Variants in SORCS2 observed in about 807,000 individuals in gnomAD.
SORCS2 encodes sortilin related VPS10 domain containing receptor 2, also known as VPS10 domain-containing receptor SorCS2.
Under a neutral mutation model 141.6 loss-of-function variants are expected in SORCS2, and 100 were observed. The ratio of observed to expected loss-of-function variants is 0.71; its 90% CI spans 0.60 to 0.83. The LOEUF is 0.83. Ranked by LOEUF, SORCS2 falls within the 40% of genes least tolerant of loss-of-function variation. The pLI, the probability that SORCS2 is intolerant of heterozygous loss-of-function variation, is 0.00. For missense variants in SORCS2, 1,646 were observed against 1,560.2 expected (o/e 1.05, Z -0.93); for synonymous variants, 789 against 676.9 (o/e 1.17, Z -2.57).
Position 7,351,119 on chromosome 4 carries a change from C to A in SORCS2, c.481-45169C>A, listed in dbSNP as rs560033041. ...GACCAACACACGCTACACGCCCCCCCACTTAGCCCCTCAGCCCCTTGCCCA... is the reference window on the plus strand; with the variant it reads ...GACCAACACACGCTACACGCCCCCCAACTTAGCCCCTCAGCCCCTTGCCCA... On this transcript the variant is annotated intron_variant, in intron 1 of 26. Coordinates refer to ENST00000507866, the MANE Select transcript of SORCS2 (RefSeq NM_020777.3). Among the ~76,000 whole-genome samples the A allele has an allele frequency of 4.3e-4, 66 of 152,340 alleles. No homozygotes were observed. The East Asian group carries it at 4.8e-3, about 11-fold the overall frequency.
chr4:7,521,531 G>A (rs1213600088), intron 2 of SORCS2, among the ~76,000 whole-genome samples: 1 of 152,198 alleles, frequency 6.6e-6, no homozygotes, highest in Non-Finnish European at 1.5e-5. Flanking sequence ...TTGTTAGAAA[G>A]TCTGGGTACC....
At position 7,663,427 on chromosome 4, in the gene SORCS2, A is replaced by C. The variant is rs1218810225; in HGVS notation, c.953-926A>C. Among the ~76,000 whole-genome samples, 1 of 152,158 alleles carries C rather than the reference A, an allele frequency of 6.6e-6. No homozygotes were observed. Among genetic ancestry groups the C allele is most frequent in the African/African-American group, 2.4e-5 (1 of 41,430 alleles). Reference sequence around the variant, plus strand: ...ACTGCATCTCCAGCCAGGCAGCCCCACTGCAGGAAGTTCAGTGGTTCAGTG... The same window carrying C: ...ACTGCATCTCCAGCCAGGCAGCCCCCCTGCAGGAAGTTCAGTGGTTCAGTG... On this transcript the variant is annotated intron_variant, in intron 6 of 26. Transcript: ENST00000507866. The surrounding 1 kb of genome is among the most constrained non-coding windows in gnomAD (Gnocchi z 4.8).
Position 7,233,182 on chromosome 4 carries a change from A to G in SORCS2, c.480+40056A>G, listed in dbSNP as rs566632211. On this transcript the variant is annotated intron_variant, in intron 1 of 26. Coordinates refer to ENST00000507866, the MANE Select transcript of SORCS2 (RefSeq NM_020777.3). This position sits in a 1 kb window ranked among gnomAD's most constrained non-coding sequence, Gnocchi z 4.5. The stretch of plus-strand genomic sequence containing the variant: ...GAGGCCAGGTACTGTCACTGCAGGC[A>G]GCAGGAACGGCACGGCAGAGGGAGC... Among the ~76,000 whole-genome samples the G allele has an allele frequency of 1.3e-5, 2 of 152,290 alleles. No homozygotes were observed. Among genetic ancestry groups the G allele is most frequent in the Admixed American group, 6.5e-5 (1 of 15,306 alleles).
intron 3 of SORCS2, among the ~76,000 whole-genome samples, chr4:7,550,116 G>GTGTGTGTA (rs1217012360): frequency 2.0e-5 from 2 of 102,194 alleles, no homozygotes; most frequent in African/African-American, 3.4e-5. Context: ...TTCCGTGTGT[G>GTGTGTGTA]TGTGTGTATG....
intron 1 of SORCS2, among the ~76,000 whole-genome samples, chr4:7,290,010 C>T (rs892560770): frequency 1.3e-5 from 2 of 152,142 alleles, no homozygotes; most frequent in African/African-American, 2.4e-5. Context: ...TCCCAGGCTG[C>T]GAGGGAGGAC....
chr4:7,433,587 C>T (rs370057756), intron 2 of SORCS2: 14 of 1,611,224 alleles, frequency 8.7e-6, no homozygotes, highest in Admixed American at 3.4e-5. Context: ...TATAGGGCAG[C>T]GGCAGGATGC....
intron 9 of SORCS2, among the ~76,000 whole-genome samples, chr4:7,678,830 A>G (rs1427620726): frequency 1.3e-5 from 2 of 151,780 alleles, no homozygotes; most frequent in African/African-American, 4.8e-5. Flanking sequence ...AGGTCCATGA[A>G]CTGGTATGTA....
At chr4:7,418,864 T>C (rs1725867751) in intron 2 of SORCS2, among the ~76,000 whole-genome samples, 1 of 152,204 alleles carries the variant, frequency 6.6e-6, no homozygotes, top group Admixed American at 6.5e-5. Flanking sequence ...TTGGTGGCTC[T>C]CTTTCTGAGG....
intron 3 of SORCS2, among the ~76,000 whole-genome samples, chr4:7,576,666 G>A (rs1715772489): frequency 6.6e-6 from 1 of 152,208 alleles, no homozygotes; most frequent in Non-Finnish European, 1.5e-5. Flanking sequence ...TGGACGTGGA[G>A]AGGTGGTGAG....
At chr4:7,265,428 G>T (rs578112515) in intron 1 of SORCS2, among the ~76,000 whole-genome samples, 7 of 152,128 alleles carry the variant, frequency 4.6e-5, no homozygotes, top group Non-Finnish European at 8.8e-5. Flanking sequence ...GAGGCAGAGG[G>T]TGCAGTGAGC....
In SORCS2 at chr4:7,302,788, TGCGC is replaced by T. The variant is rs151172912; in HGVS notation, c.481-93494_481-93491del. ...CCACATATGTGTGTGTGTGTGTGTGTGCGCGCGCGTGTGTGTGTGTTTGTAGGAG... is the reference window on the plus strand; with the variant it reads ...CCACATATGTGTGTGTGTGTGTGTGTGCGCGTGTGTGTGTGTTTGTAGGAG... On this transcript the variant is annotated intron_variant, in intron 1 of 26. Transcript: ENST00000507866. Among the ~76,000 whole-genome samples the T allele has an allele frequency of 5.1e-3, 643 of 126,414 alleles. 6 individuals carry two copies. Among genetic ancestry groups the T allele is most frequent in the African/African-American group, 0.016 (590 of 35,926 alleles). The allele number at this position is 126,414 out of a possible 152,430, so 82.9% of individuals were successfully genotyped here. A position where few individuals can be genotyped will look rare whatever the true frequency, so the allele number is the denominator to read the frequency against.
intron 2 of SORCS2, among the ~76,000 whole-genome samples, chr4:7,401,159 A>T (rs1262662871): frequency 6.6e-6 from 1 of 152,048 alleles, no homozygotes; most frequent in Non-Finnish European, 1.5e-5. Context: ...AGATGGACAG[A>T]TGGATGAGTG....
At position 7,259,331 on chromosome 4, in the gene SORCS2, G is replaced by T. The variant is rs559562772; in HGVS notation, c.480+66205G>T. 4.6e-4 allele frequency among the ~76,000 whole-genome samples: 70 copies of T among 152,272 alleles called. 1 individual carries two copies. In the South Asian group the frequency reaches 0.013, roughly 29 times the overall value. Reference sequence around the variant, plus strand: ...CGCAGAGTTCAATTCCATGACTGGGGGATTTGAACCCAGGTTGTGGGACTC... The same window carrying T: ...CGCAGAGTTCAATTCCATGACTGGGTGATTTGAACCCAGGTTGTGGGACTC... On this transcript the variant is annotated intron_variant, in intron 1 of 26. Transcript: ENST00000507866.
In SORCS2 at chr4:7,682,843, G is replaced by C. The variant is rs1723612622; in HGVS notation, c.1442G>C (p.Arg481Thr). 6.2e-7 allele frequency: 1 copy of C among 1,613,382 alleles called. No individual in the cohort carries two copies. Among genetic ancestry groups the C allele is most frequent in the Non-Finnish European group, 8.5e-7 (1 of 1,179,660 alleles). ...AAGGGCCGCGACTGGGATTACCTGAGGCCACCCAGCATGGACATGAATGGA... is the reference window on the plus strand; with the variant it reads ...AAGGGCCGCGACTGGGATTACCTGACGCCACCCAGCATGGACATGAATGGA... ...YNKGRDWDYL[R>T]PPSMDMNGKP... is the part of the protein sequence containing the mutation. The change falls in exon 10 of 27, where the codon AGG becomes ACG. Residue 481 changes from arginine (R) to threonine (T), a missense_variant. Transcript: ENST00000507866.
rs1270692977 is a variant in SORCS2, at chr4:7,633,893, C to A, written c.649-4435C>A. ...GAGGATGGTGGACACACAGTTGCGT[C>A]GTAAGAACGTTTGAAAAACTGTATC... On this transcript the variant is annotated intron_variant, in intron 3 of 26. Coordinates refer to ENST00000507866, the MANE Select transcript of SORCS2 (RefSeq NM_020777.3). Among the ~76,000 whole-genome samples, 2 of 121,800 alleles carry A rather than the reference C, an allele frequency of 1.6e-5. 1 individual carries two copies. The highest frequency in any genetic ancestry group is 3.8e-5 in the Non-Finnish European group (2 of 52,872). 79.9% of individuals were successfully genotyped at this position (121,800 alleles called of 152,430 possible).
intron 1 of SORCS2, among the ~76,000 whole-genome samples, chr4:7,240,360 G>A (rs535709560): frequency 2.6e-5 from 4 of 152,298 alleles, no homozygotes; most frequent in African/African-American, 4.8e-5. Context: ...AAATTACCTC[G>A]ATGAGTCCTT....
chr4:7,696,159 T>C (rs1188244736), intron 11 of SORCS2, among the ~76,000 whole-genome samples: 1 of 152,206 alleles, frequency 6.6e-6, no homozygotes. Flanking sequence ...TGACCCTGGA[T>C]AAAGTACTTC....
At chr4:7,421,259 TC>T (rs1726026112) in intron 2 of SORCS2, among the ~76,000 whole-genome samples, 1 of 152,040 alleles carries the variant, frequency 6.6e-6, no homozygotes, top group South Asian at 2.1e-4. Context: ...CCCACGAGAG[TC>T]CCTGTTCCCA....
At chr4:7,390,289 A>G (rs1219283051) in intron 1 of SORCS2, among the ~76,000 whole-genome samples, 1 of 152,162 alleles carries the variant, frequency 6.6e-6, no homozygotes, top group Non-Finnish European at 1.5e-5. Flanking sequence ...TGTCTTTTTG[A>G]TGATTCTTGA....
Sources: allele counts gnomAD v4.1 joint callset (sites outside exome capture counted in the v4.1 genomes callset), GRCh38; gene constraint gnomAD v4.1.1; non-coding constraint Gnocchi (gnomAD v3.1); transcripts MANE v1.5; gene names NCBI Gene and HGNC (gene_info 2026-07-23, HGNC 2026-07-21).